Variants in ERC1 observed in about 807,000 individuals in gnomAD.
ERC1 encodes RAB6 interacting protein 2.
A neutral mutation model predicts 132.0 loss-of-function variants in ERC1; 56 were observed. That is an observed-to-expected ratio of 0.42 (90% CI 0.34 to 0.53). The LOEUF (loss-of-function observed/expected upper bound fraction) is 0.53, where lower values mean the gene tolerates loss of function less well. Among genes scored for constraint, ERC1 ranks in the 20% least tolerant of loss-of-function variants. The pLI is 0.03. For synonymous variants in ERC1, 478 were observed against 476.1 expected, an observed-to-expected ratio of 1.00 and a Z score of -0.05; for missense variants, 1,202 against 1,349.9, an observed-to-expected ratio of 0.89 and a Z score of 1.72.
intron 15 of ERC1, among the ~76,000 whole-genome samples, chr12:1,332,332 C>A (rs2082929585): frequency 6.6e-6 from 1 of 152,154 alleles, no homozygotes; most frequent in African/African-American, 2.4e-5. Flanking sequence ...ATTGATTAGA[C>A]CTTTTAAAAA....
chr12:1,243,079 C>G (rs1024584608), intron 13 of ERC1, among the ~76,000 whole-genome samples: 1 of 150,514 alleles, frequency 6.6e-6, no homozygotes, highest in African/African-American at 2.4e-5. Context: ...CCCAGCTACT[C>G]GGGAGGCTGA....
At chr12:1,169,959 A>C (rs1464167737) in intron 8 of ERC1, among the ~76,000 whole-genome samples, 5 of 152,242 alleles carry the variant, frequency 3.3e-5, no homozygotes, top group Non-Finnish European at 7.3e-5. Flanking sequence ...TGAATATGAT[A>C]AGAGAATCTC....
intron 12 of ERC1, among the ~76,000 whole-genome samples, chr12:1,225,540 T>C (rs2074513175): frequency 6.6e-6 from 1 of 151,894 alleles, no homozygotes; most frequent in African/African-American, 2.4e-5. Context: ...TCTTGAATTG[T>C]TTTTTCTGAA....
intron 4 of ERC1, among the ~76,000 whole-genome samples, chr12:1,106,034 T>G (rs986286814): frequency 2.6e-5 from 4 of 152,206 alleles, no homozygotes; most frequent in Non-Finnish European, 5.9e-5. Flanking sequence ...CTTTAGGCTG[T>G]TCAGTATAGT....
intron 16 of ERC1, among the ~76,000 whole-genome samples, chr12:1,382,838 G>A (rs887578854): frequency 6.6e-6 from 1 of 152,054 alleles, no homozygotes; most frequent in Non-Finnish European, 1.5e-5. Context: ...AAAAAATATT[G>A]CATTATGAAG....
chr12:1,484,737 C>T (rs958582592), intron 18 of ERC1, among the ~76,000 whole-genome samples: 1 of 151,822 alleles, frequency 6.6e-6, no homozygotes, highest in South Asian at 2.1e-4. Flanking sequence ...GCCACCATGC[C>T]CGGCTAATTT....
intron 1 of ERC1, among the ~76,000 whole-genome samples, chr12:994,939 A>G (rs1025286765): frequency 6.6e-6 from 1 of 152,120 alleles, no homozygotes; most frequent in Non-Finnish European, 1.5e-5. Context: ...TACTGAAAAT[A>G]CAAACAATTA....
chr12:1,204,733 G>A (rs1293088798), intron 12 of ERC1, among the ~76,000 whole-genome samples: 1 of 152,112 alleles, frequency 6.6e-6, no homozygotes, highest in Non-Finnish European at 1.5e-5. Flanking sequence ...AGAACCAGAT[G>A]GCCAGGTTTT....
chr12:1,212,395 C>A (rs551344511), intron 12 of ERC1, among the ~76,000 whole-genome samples: 2 of 152,096 alleles, frequency 1.3e-5, no homozygotes, highest in African/African-American at 2.4e-5. Context: ...TTCCAGGAAG[C>A]CTTTCCTGAT....
chr12:1,316,592 G>A (rs2081747330), intron 15 of ERC1, among the ~76,000 whole-genome samples: 1 of 152,194 alleles, frequency 6.6e-6, no homozygotes, highest in Admixed American at 6.5e-5. Context: ...TGTTAATGCG[G>A]GAGAGGATTT....
chr12:1,301,629 A>T (rs1387980785), intron 15 of ERC1, among the ~76,000 whole-genome samples: 1 of 152,186 alleles, frequency 6.6e-6, no homozygotes, highest in Non-Finnish European at 1.5e-5. Flanking sequence ...ATGGACCCAT[A>T]GAGGGGAACA....
intron 12 of ERC1, among the ~76,000 whole-genome samples, chr12:1,207,297 T>A (rs202113577): frequency 1.3e-5 from 2 of 151,608 alleles, no homozygotes; most frequent in East Asian, 3.9e-4. Flanking sequence ...AAGGGTTAGT[T>A]TCTTATTTTT....
chr12:1,216,791 A>C (rs1958471812), intron 12 of ERC1, among the ~76,000 whole-genome samples: 1 of 152,174 alleles, frequency 6.6e-6, no homozygotes, highest in Non-Finnish European at 1.5e-5. Context: ...TCTACCAAGA[A>C]GGGTTGAATC....
chr12:1,249,348 T>C (rs1053455668), intron 13 of ERC1, among the ~76,000 whole-genome samples: 9 of 152,350 alleles, frequency 5.9e-5, no homozygotes, highest in African/African-American at 2.2e-4. Context: ...CTGATTTGGC[T>C]GTTGGTGAAT....
At chr12:1,251,139 G>A (rs562515183) in intron 13 of ERC1, among the ~76,000 whole-genome samples, 11 of 152,072 alleles carry the variant, frequency 7.2e-5, no homozygotes, top group South Asian at 4.1e-4. Context: ...TTCTGAGAAT[G>A]AACACTACTT....
chr12:1,470,734 G>C (rs1271899135), intron 18 of ERC1, among the ~76,000 whole-genome samples: 1 of 152,158 alleles, frequency 6.6e-6, no homozygotes, highest in African/African-American at 2.4e-5. Context: ...TGCCTCACTG[G>C]GAAATCTGCT....
At chr12:1,395,315 T>C (rs1224007491) in intron 16 of ERC1, among the ~76,000 whole-genome samples, 2 of 152,204 alleles carry the variant, frequency 1.3e-5, no homozygotes, top group Non-Finnish European at 2.9e-5. Flanking sequence ...TGACTGTTAC[T>C]TTTTCACCAG....
chr12:1,122,553 ATCTC>A (rs1248035842), intron 7 of ERC1, among the ~76,000 whole-genome samples: 8 of 59,410 alleles, frequency 1.3e-4, no homozygotes, highest in Admixed American at 2.9e-4. Flanking sequence ...CTGTGTCTCT[ATCTC>A]TATCTCTATC....
intron 13 of ERC1, among the ~76,000 whole-genome samples, chr12:1,250,126 A>C (rs1310699748): frequency 2.0e-5 from 3 of 152,138 alleles, no homozygotes; most frequent in African/African-American, 4.8e-5. Flanking sequence ...CCTCATCTTG[A>C]GGTCAGATGC....
Sources: gnomAD v4.1 joint callset for allele counts (sites outside exome capture counted in the v4.1 genomes callset) on GRCh38, gnomAD v4.1.1 for gene constraint, MANE v1.5 for transcripts, NCBI Gene and HGNC (gene_info 2026-07-23, HGNC 2026-07-21) for gene names.